The following RECQL variants were observed in gnomAD, a reference collection of about 807,000 sequenced individuals.
RECQL encodes RecQ like helicase, also known as ATP-dependent DNA helicase Q1.
A neutral mutation model predicts 75.8 loss-of-function variants in RECQL; 73 were observed. The ratio of observed to expected loss-of-function variants is 0.96; its 90% CI spans 0.80 to 1.17. RECQL has a LOEUF of 1.17. RECQL is among the 50% of genes most tolerant of loss of function. RECQL has a pLI of 0.00. For missense variants in RECQL, 699 were observed against 772.1 expected (o/e 0.91, Z 1.12); for synonymous variants, 248 against 254.4 (o/e 0.97, Z 0.24).
At chr12:21,476,713 A>G (rs1272404515) in intron 8 of RECQL, among the ~76,000 whole-genome samples, 198 bp downstream of exon 8, 1 of 152,274 alleles carries the variant, frequency 6.6e-6, no homozygotes, top group South Asian at 2.1e-4. Context: ...TTGACGACTC[A>G]TAATCTATGG....
At chr12:21,492,459 CAG>C (rs1258552670) in intron 2 of RECQL, among the ~76,000 whole-genome samples, 2 of 152,186 alleles carry the variant, frequency 1.3e-5, no homozygotes, top group Non-Finnish European at 2.9e-5. Context: ...AATCAGTATA[CAG>C]GTTTAATGTG....
At chr12:21,474,288 A>G (rs1021842975) in intron 11 of RECQL, among the ~76,000 whole-genome samples, 3 of 152,054 alleles carry the variant, frequency 2.0e-5, no homozygotes, top group African/African-American at 7.2e-5. Flanking sequence ...GAACATTTCT[A>G]TCACTGTCTG....
In RECQL at chr12:21,469,603, A is replaced by AAACTT. The variant is rs1454630364; in HGVS notation, c.*586_*590dup. The AAACTT allele has an allele frequency of 6.6e-6, 1 of 151,882 alleles. No individual in the cohort carries two copies. The highest frequency in any genetic ancestry group is 1.5e-5 in the Non-Finnish European group (1 of 67,988). The allele number at this position is 151,882 out of a possible 1,614,324, so 9.4% of individuals were successfully genotyped here. ...ATAGCTAAGTATATAAAGGCATAAA[A>AAACTT]AACTTAAGACAATTACATGAACTTA... On this transcript the variant is annotated 3_prime_UTR_variant, in exon 15 of 15. Coordinates refer to ENST00000444129, the MANE Select transcript of RECQL (RefSeq NM_002907.4).
chr12:21,475,176 T>TA (rs927235275), intron 10 of RECQL, among the ~76,000 whole-genome samples, 197 bp from the exon 11 acceptor site: 3 of 151,946 alleles, frequency 2.0e-5, no homozygotes, highest in African/African-American at 7.2e-5. Context: ...TCTACTAAGT[T>TA]AAAAAATGTG....
At chr12:21,497,280 C>G (rs1466839975) in intron 2 of RECQL, among the ~76,000 whole-genome samples, 3 of 152,148 alleles carry the variant, frequency 2.0e-5, no homozygotes, top group African/African-American at 7.2e-5. Flanking sequence ...CCTCCTCAAC[C>G]TGTAGCTATA....
intron 2 of RECQL, among the ~76,000 whole-genome samples, chr12:21,496,038 C>A (rs1012817345): frequency 3.3e-5 from 5 of 152,190 alleles, no homozygotes; most frequent in African/African-American, 1.2e-4. Flanking sequence ...CGGAAGCCAG[C>A]AAAACTGCCT....
chr12:21,491,985 A>G (rs909871313), intron 2 of RECQL, among the ~76,000 whole-genome samples: 1 of 152,168 alleles, frequency 6.6e-6, no homozygotes, highest in African/African-American at 2.4e-5. Context: ...CTTTCATAGT[A>G]TTTTTATGAA....
chr12:21,473,494 G>T, intron 12 of RECQL, 57 bp downstream of exon 12: 2 of 1,287,220 alleles, frequency 1.6e-6, no homozygotes, highest in Non-Finnish European at 2.2e-6. Context: ...ACGTATCTCT[G>T]TCACTAGGCA....
intron 12 of RECQL, among the ~76,000 whole-genome samples, chr12:21,472,288 A>G (rs1469847534): frequency 6.6e-6 from 1 of 152,032 alleles, no homozygotes; most frequent in African/African-American, 2.4e-5. Context: ...GGCAAATCCG[A>G]AAATTGGGAC....
chr12:21,475,852 A>G (rs1943077556), intron 8 of RECQL, 28 bp from the exon 9 acceptor site: 2 of 1,577,368 alleles, frequency 1.3e-6, no homozygotes, highest in Non-Finnish European at 1.7e-6. Flanking sequence ...CATTTGTTAG[A>G]TAGATATGGC....
intron 6 of RECQL, 101 bp downstream of exon 6, chr12:21,483,275 C>A (rs893182743): frequency 9.7e-6 from 8 of 824,920 alleles, no homozygotes; most frequent in Admixed American, 5.3e-5. Flanking sequence ...TGTGTAACTA[C>A]TTGAGGATGA....
intron 5 of RECQL, 109 bp from the exon 6 acceptor site, chr12:21,483,683 G>T: frequency 1.3e-6 from 1 of 753,850 alleles, no homozygotes. Flanking sequence ...ATAGCCTTTG[G>T]CTCTTCTAGG....
intron 4 of RECQL, 59 bp downstream of exon 4, chr12:21,490,140 T>TA: frequency 1.1e-6 from 1 of 933,200 alleles, no homozygotes; most frequent in East Asian, 2.5e-5. Context: ...TTAAAAGAAT[T>TA]AAAAAGGTAT....
chr12:21,477,054 G>C (rs1377016911), intron 7 of RECQL, 62 bp from the exon 8 acceptor site: 1 of 1,068,500 alleles, frequency 9.4e-7, no homozygotes, highest in East Asian at 2.6e-5. Flanking sequence ...GGCTGTCTAT[G>C]TACAACTTTC....
In RECQL at chr12:21,476,898, G is replaced by A. The variant is rs759061316; in HGVS notation, c.949+13C>T. The stretch of plus-strand genomic sequence containing the variant: ...TTATCTCTGTCTCCAAAGTTGGTTT[G>A]TTTTTACATTACCTGATTGCCCTTT... On this transcript the variant is annotated intron_variant, in intron 8 of 14. Coordinates refer to ENST00000444129, the MANE Select transcript of RECQL (RefSeq NM_002907.4). 8 of 1,584,460 alleles carry A rather than the reference G, an allele frequency of 5.0e-6. No individual in the cohort carries two copies. The Admixed American group carries it at 1.4e-4, about 28-fold the overall frequency.
intron 5 of RECQL, 152 bp from the exon 6 acceptor site, chr12:21,483,726 T>C: frequency 1.6e-6 from 1 of 610,156 alleles, no homozygotes; most frequent in Non-Finnish European, 2.8e-6. Context: ...ACTGAAACCA[T>C]GTCTCAGTAC....
Position 21,483,360 on chromosome 12 carries a change from G to A in RECQL, c.700+16C>T. 1 of 1,580,724 alleles carries A rather than the reference G, an allele frequency of 6.3e-7. No homozygotes were observed. The highest frequency in any genetic ancestry group is 8.6e-7 in the Non-Finnish European group (1 of 1,161,144). ...GTCTATGACATCAAAAAGTTTTCTAGATAAAACATACATACCAGGTCTGAA... is the reference window on the plus strand; with the variant it reads ...GTCTATGACATCAAAAAGTTTTCTAAATAAAACATACATACCAGGTCTGAA... On this transcript the variant is annotated intron_variant, in intron 6 of 14. Coordinates refer to ENST00000444129, the MANE Select transcript of RECQL (RefSeq NM_002907.4).
At chr12:21,497,675 C>T (rs1943533282) in intron 2 of RECQL, among the ~76,000 whole-genome samples, 2 of 152,222 alleles carry the variant, frequency 1.3e-5, no homozygotes, top group African/African-American at 2.4e-5. Flanking sequence ...TCATTAAAAA[C>T]AACTTCGACA....
At chr12:21,500,751 T>A (rs1184897045) in intron 1 of RECQL, among the ~76,000 whole-genome samples, 1 of 152,182 alleles carries the variant, frequency 6.6e-6, no homozygotes, top group Non-Finnish European at 1.5e-5. Context: ...CTTGATGTAG[T>A]GAGGGCTCAG....
Sources: gnomAD v4.1 joint callset for allele counts (sites outside exome capture counted in the v4.1 genomes callset) on GRCh38, gnomAD v4.1.1 for gene constraint, MANE v1.5 for transcripts, NCBI Gene and HGNC (gene_info 2026-07-23, HGNC 2026-07-21) for gene names.